The following WNT2B variants were observed in gnomAD, a reference collection of about 807,000 sequenced individuals.
WNT2B encodes the protein Wnt family member 2B, also known as protein Wnt-2b.
In WNT2B, 19 loss-of-function variants were observed where a neutral mutation model predicts 40.5. The observed-to-expected ratio is 0.47, with a 90% CI of 0.33 to 0.69. WNT2B has a LOEUF of 0.69. Ranked by LOEUF, WNT2B falls within the 30% of genes least tolerant of loss-of-function variation. WNT2B has a pLI of 0.02. For missense variants in WNT2B, 467 were observed against 556.4 expected (o/e 0.84, Z 1.62); for synonymous variants, 220 against 211.9 (o/e 1.04, Z -0.33).
intron 1 of WNT2B, chr1:112,467,652 C>T (rs369807028): frequency 8.0e-5 from 60 of 750,832 alleles, no homozygotes; most frequent in South Asian, 3.2e-4. Context: ...CTTTTCTTCT[C>T]GATACATAAT....
chr1:112,497,768 T>A (rs1313567793), intron 1 of WNT2B, among the ~76,000 whole-genome samples: 1 of 152,190 alleles, frequency 6.6e-6, no homozygotes, highest in African/African-American at 2.4e-5. Context: ...AATCTCTACA[T>A]TTTGCTTCTC....
At chr1:112,514,265 G>T (rs1475730775) in intron 1 of WNT2B, among the ~76,000 whole-genome samples, 2 of 152,178 alleles carry the variant, frequency 1.3e-5, no homozygotes, top group Non-Finnish European at 2.9e-5. Context: ...GTTTGAGGAG[G>T]AGAGTAGAGG....
intron 1 of WNT2B, among the ~76,000 whole-genome samples, chr1:112,478,328 T>C (rs1651114525): frequency 6.6e-6 from 1 of 151,836 alleles, no homozygotes; most frequent in South Asian, 2.1e-4. Flanking sequence ...TCCCAAATCT[T>C]GAGAGAGATA....
intron 1 of WNT2B, among the ~76,000 whole-genome samples, chr1:112,472,102 G>GT (rs1275639863): frequency 1.3e-5 from 2 of 152,156 alleles, no homozygotes; most frequent in African/African-American, 4.8e-5. Flanking sequence ...TAAAGACATT[G>GT]ACGATCAGAC....
intron 1 of WNT2B, among the ~76,000 whole-genome samples, chr1:112,468,200 A>G (rs1008316657): frequency 6.6e-6 from 1 of 152,252 alleles, no homozygotes; most frequent in Admixed American, 6.5e-5. Flanking sequence ...TTCTCTATTC[A>G]TTCATCCGTT....
intron 1 of WNT2B, among the ~76,000 whole-genome samples, chr1:112,491,868 G>A (rs1384154382): frequency 2.6e-5 from 4 of 152,098 alleles, no homozygotes; most frequent in Non-Finnish European, 4.4e-5. Context: ...TCCTGCCTGG[G>A]TGACAGAGCA....
At chr1:112,479,787 T>C (rs1247273454) in intron 1 of WNT2B, among the ~76,000 whole-genome samples, 3 of 151,818 alleles carry the variant, frequency 2.0e-5, no homozygotes, top group Non-Finnish European at 4.4e-5. Context: ...CTCTGCTCAC[T>C]GCAAGCTCTG....
In WNT2B at chr1:112,526,739, C is replaced by T. The variant is rs895296029; in HGVS notation, c.*6230C>T. ...TGGGAGACAGAGCGAGACTCCGTCA[C>T]AAAAAAAAAAAAAAAGAAGGTATGT... On this transcript the variant is annotated 3_prime_UTR_variant, in exon 5 of 5. Coordinates refer to ENST00000369684, the MANE Select transcript of WNT2B (RefSeq NM_024494.3). The T allele has an allele frequency of 3.3e-5, 4 of 121,386 alleles. No homozygotes were observed. Among genetic ancestry groups the T allele is most frequent in the Non-Finnish European group, 7.1e-5 (4 of 56,616 alleles). The allele number at this position is 121,386 out of a possible 1,614,324, so 7.5% of individuals were successfully genotyped here.
Position 112,525,393 on chromosome 1 carries a change from T to C in WNT2B, c.*4884T>C, listed in dbSNP as rs1454319130. 1 of 152,254 alleles carries C rather than the reference T, an allele frequency of 6.6e-6. No individual in the cohort carries two copies. The highest frequency in any genetic ancestry group is 1.5e-5 in the Non-Finnish European group (1 of 68,098). 9.4% of individuals were successfully genotyped at this position (152,254 alleles called of 1,614,324 possible). ...TGGGTGATTGGCAGGTATAGGGCAA[T>C]AGCCAGTGGGGTGTCAGTAATATGC... is the stretch of plus-strand genomic sequence containing the variant. On this transcript the variant is annotated 3_prime_UTR_variant, in exon 5 of 5. Transcript: ENST00000369684.
At chr1:112,479,547 C>CT (rs1199987089) in intron 1 of WNT2B, among the ~76,000 whole-genome samples, 1 of 152,010 alleles carries the variant, frequency 6.6e-6, no homozygotes, top group East Asian at 1.9e-4. Context: ...GCACTCCAGC[C>CT]TGGGAGACAG....
At chr1:112,485,209 C>T (rs1183554832) in intron 1 of WNT2B, among the ~76,000 whole-genome samples, 10 of 152,148 alleles carry the variant, frequency 6.6e-5, no homozygotes, top group African/African-American at 2.4e-4. Context: ...GCCTGTAATC[C>T]CAGCACTTTG....
chr1:112,516,096 A>G (rs773295207), intron 2 of WNT2B, 44 bp from the exon 3 acceptor site: 2 of 1,578,042 alleles, frequency 1.3e-6, no homozygotes, highest in Non-Finnish European at 1.7e-6. Flanking sequence ...GGGGACAGAC[A>G]TGGGCCTCTT....
intron 1 of WNT2B, among the ~76,000 whole-genome samples, chr1:112,485,572 T>C (rs1367495197): frequency 3.3e-5 from 5 of 152,210 alleles, no homozygotes; most frequent in African/African-American, 4.8e-5. Context: ...AAACAGTCTC[T>C]CAAATATGTG....
chr1:112,508,875 G>T, upstream of WNT2B: 1 of 1,013,186 alleles, frequency 9.9e-7, no homozygotes, highest in Non-Finnish European at 1.2e-6. The surrounding 1 kb of genome is among the most constrained non-coding windows in gnomAD (Gnocchi z 4.2). Flanking sequence ...GGCTTGGCGC[G>T]GGCGGAGCCG....
chr1:112,484,306 T>G (rs111969006), intron 1 of WNT2B, among the ~76,000 whole-genome samples: 1,508 of 142,570 alleles, frequency 0.011, 16 homozygotes, highest in Non-Finnish European at 0.014. Context: ...CACATATATA[T>G]AGAGAGAGAG....
intron 1 of WNT2B, among the ~76,000 whole-genome samples, chr1:112,510,393 T>A (rs1257713033): frequency 6.6e-6 from 1 of 152,160 alleles, no homozygotes; most frequent in East Asian, 1.9e-4. Context: ...GTCTTTCCTC[T>A]TCACCCCACA....
At chr1:112,486,954 T>C (rs1470081657) in intron 1 of WNT2B, among the ~76,000 whole-genome samples, 2 of 152,228 alleles carry the variant, frequency 1.3e-5, no homozygotes, top group African/African-American at 2.4e-5. Flanking sequence ...CATGATTCAG[T>C]TATCCCATGC....
Position 112,515,501 on chromosome 1 carries a change from A to G in WNT2B, c.403+407A>G, listed in dbSNP as rs774027034. Among the ~76,000 whole-genome samples the G allele has an allele frequency of 4.6e-5, 7 of 152,224 alleles. No homozygotes were observed. Among genetic ancestry groups the G allele is most frequent in the Non-Finnish European group, 4.4e-5 (3 of 68,044 alleles). On this transcript the variant is annotated intron_variant, in intron 2 of 4. Coordinates refer to ENST00000369684, the MANE Select transcript of WNT2B (RefSeq NM_024494.3). The surrounding 1 kb of genome is among the most constrained non-coding windows in gnomAD (Gnocchi z 4.4). Reference sequence around the variant, plus strand: ...CTACAGTAATGGGAACAAAAGATAAACAGAAAGGTGATATGTAAATATTTG... The same window carrying G: ...CTACAGTAATGGGAACAAAAGATAAGCAGAAAGGTGATATGTAAATATTTG...
intron 1 of WNT2B, among the ~76,000 whole-genome samples, chr1:112,480,908 C>T (rs151289493): frequency 5.9e-4 from 90 of 152,292 alleles, no homozygotes; most frequent in Admixed American, 3.9e-3. Context: ...GTGGCTCACA[C>T]CTGTAATCCC....
Sources: gnomAD v4.1 joint callset for allele counts (sites outside exome capture counted in the v4.1 genomes callset) on GRCh38, gnomAD v4.1.1 for gene constraint, Gnocchi (gnomAD v3.1) non-coding constraint, MANE v1.5 for transcripts, NCBI Gene and HGNC (gene_info 2026-07-23, HGNC 2026-07-21) for gene names.